The following CRK variants were observed in gnomAD, a reference collection of about 807,000 sequenced individuals.
The protein encoded by CRK is adapter molecule crk.
CRK carries 4 observed loss-of-function variants against 29.8 expected under a neutral mutation model. The ratio of observed to expected loss-of-function variants is 0.13; its 90% CI spans 0.07 to 0.31. The LOEUF (loss-of-function observed/expected upper bound fraction) is 0.31, where lower values mean the gene tolerates loss of function less well. CRK is among the 10% of genes least tolerant of loss of function. CRK has a pLI of 1.00. For missense variants in CRK, 274 were observed against 396.5 expected, an observed-to-expected ratio of 0.69 and a Z score of 2.62; for synonymous variants, 153 against 164.9, an observed-to-expected ratio of 0.93 and a Z score of 0.55.
intron 2 of CRK, among the ~76,000 whole-genome samples, chr17:1,435,115 A>AGT (rs1007665754): frequency 6.6e-6 from 1 of 152,034 alleles, no homozygotes. Context: ...GCTGGAGTGC[A>AGT]GTGTCATGAT....
rs1327585722 is a variant in CRK, at chr17:1,452,311, A to G, written c.241+3566T>C. On this transcript the variant is annotated intron_variant, in intron 1 of 2. Coordinates refer to ENST00000300574, the MANE Select transcript of CRK (RefSeq NM_016823.4). ...AGACAGTAAGTGAAATAAGGTACAT[A>G]AAGTACTCAAAGTACCTGGCACAGA... is the stretch of plus-strand genomic sequence containing the variant. Among the ~76,000 whole-genome samples the G allele has an allele frequency of 2.0e-5, 3 of 152,342 alleles. No individual in the cohort carries two copies. The East Asian group carries it at 5.8e-4, about 29-fold the overall frequency.
At chr17:1,438,627 A>T (rs2073908740) in intron 1 of CRK, among the ~76,000 whole-genome samples, 1 of 152,114 alleles carries the variant, frequency 6.6e-6, no homozygotes, top group South Asian at 2.1e-4. Context: ...GCTTGGGGAA[A>T]TAAAGGGTTA....
At chr17:1,442,770 C>T (rs2073945229) in intron 1 of CRK, among the ~76,000 whole-genome samples, 2 of 151,592 alleles carry the variant, frequency 1.3e-5, no homozygotes, top group South Asian at 2.1e-4. Flanking sequence ...CCATGCCTGG[C>T]TAATTTTTGT....
intron 2 of CRK, among the ~76,000 whole-genome samples, chr17:1,428,118 CT>C (rs55649851): frequency 0.16 from 21,313 of 135,686 alleles, 1,809 homozygotes; most frequent in African/African-American, 0.24. Flanking sequence ...TTCTTTCAGA[CT>C]TTTTTTTTTT....
intron 2 of CRK, among the ~76,000 whole-genome samples, chr17:1,433,540 TG>T (rs2073863413): frequency 8.2e-6 from 1 of 121,724 alleles, no homozygotes; most frequent in African/African-American, 3.2e-5. Context: ...TTTTTTGAGA[TG>T]GAGTTTCACT....
chr17:1,449,025 T>TCTCACGCTAC (rs2073997908), intron 1 of CRK, among the ~76,000 whole-genome samples: 1 of 152,110 alleles, frequency 6.6e-6, no homozygotes, highest in Non-Finnish European at 1.5e-5. Flanking sequence ...CCATCAGCAG[T>TCTCACGCTAC]CTCACGCTAC....
At chr17:1,452,203 G>A (rs1186925112) in intron 1 of CRK, among the ~76,000 whole-genome samples, 1 of 152,072 alleles carries the variant, frequency 6.6e-6, no homozygotes, top group Non-Finnish European at 1.5e-5. Context: ...GCAAGTTACT[G>A]AATCTATGAG....
At chr17:1,442,910 G>A (rs1442766993) in intron 1 of CRK, among the ~76,000 whole-genome samples, 1 of 151,446 alleles carries the variant, frequency 6.6e-6, no homozygotes, top group Non-Finnish European at 1.5e-5. Context: ...CCTGGTATGT[G>A]ACAGGGTCTC....
At chr17:1,447,897 G>A (rs1477728724) in intron 1 of CRK, among the ~76,000 whole-genome samples, 1 of 152,060 alleles carries the variant, frequency 6.6e-6, no homozygotes, top group Non-Finnish European at 1.5e-5. Context: ...GATTACAGGC[G>A]CGAGCCACCA....
chr17:1,452,314 G>A (rs888512303), intron 1 of CRK, among the ~76,000 whole-genome samples: 2 of 152,134 alleles, frequency 1.3e-5, no homozygotes, highest in African/African-American at 4.8e-5. Flanking sequence ...GGTACATAAA[G>A]TACTCAAAGT....
In CRK at chr17:1,428,521, C is replaced by CTTTTTT. The variant is rs754259440; in HGVS notation, c.778-4877_778-4872dup. Reference sequence around the variant, plus strand: ...ATTAGACCTTTGGACCATATCAGATCTTTTTTTTTTTTTTTTTTTTGAGAC... The same window carrying CTTTTTT: ...ATTAGACCTTTGGACCATATCAGATCTTTTTTTTTTTTTTTTTTTTTTTTTTGAGAC... On this transcript the variant is annotated intron_variant, in intron 2 of 2. Transcript: ENST00000300574. Among the ~76,000 whole-genome samples the CTTTTTT allele has an allele frequency of 3.3e-3, 363 of 111,142 alleles. 10 individuals carry two copies. The highest frequency in any genetic ancestry group is 8.5e-3 in the East Asian group (32 of 3,756). The allele number at this position is 111,142 out of a possible 152,430, so 72.9% of individuals were successfully genotyped here.
intron 1 of CRK, among the ~76,000 whole-genome samples, chr17:1,440,901 C>T (rs1364922090): frequency 7.9e-5 from 12 of 152,182 alleles, no homozygotes; most frequent in East Asian, 3.9e-4. Flanking sequence ...GAGACCTTGT[C>T]TCAAAAAACC....
chr17:1,454,219 GAAAT>G (rs745537645), intron 1 of CRK, among the ~76,000 whole-genome samples: 2 of 151,768 alleles, frequency 1.3e-5, no homozygotes, highest in Non-Finnish European at 2.9e-5. Flanking sequence ...AAATAAGTAA[GAAAT>G]AAATAAGAAA....
At chr17:1,425,387 T>C (rs948370039) in intron 2 of CRK, among the ~76,000 whole-genome samples, 7 of 152,066 alleles carry the variant, frequency 4.6e-5, no homozygotes, top group Non-Finnish European at 7.4e-5. Flanking sequence ...CCACCACGCC[T>C]GGCCATCTTT....
At chr17:1,436,043 T>G (rs2073883859) in intron 2 of CRK, among the ~76,000 whole-genome samples, 2 of 152,186 alleles carry the variant, frequency 1.3e-5, no homozygotes, top group African/African-American at 4.8e-5. Context: ...GAACTGGCTT[T>G]TTGAATGATT....
chr17:1,429,359 T>C (rs2150901281), intron 2 of CRK, among the ~76,000 whole-genome samples: 1 of 152,064 alleles, frequency 6.6e-6, no homozygotes, highest in East Asian at 1.9e-4. Flanking sequence ...CTTGTCTCAT[T>C]GCAAACTCCG....
chr17:1,433,929 G>C (rs963290663), intron 2 of CRK, among the ~76,000 whole-genome samples: 6 of 150,726 alleles, frequency 4.0e-5, no homozygotes, highest in Admixed American at 1.3e-4. Flanking sequence ...CAAACACCTG[G>C]ACTCAAGCGA....
In CRK at chr17:1,455,918, G is replaced by C. The variant is rs532720077; in HGVS notation, c.200C>G (p.Pro67Arg). 1.3e-6 allele frequency: 2 copies of C among 1,586,726 alleles called. No individual in the cohort carries two copies. Among genetic ancestry groups the C allele is most frequent in the Middle Eastern group, 1.7e-4 (1 of 5,968 alleles). Residue 67 changes from proline to arginine, a missense_variant, in exon 1 of 3, where the codon CCG becomes CGG. Pro to Arg is a moderately radical substitution (Grantham distance 103). Transcript: ENST00000300574. Reference sequence around the variant, plus strand: ...GGGCGACGGTGGCACCGGCGGGCGCGGGCCGCTGCTGTTGATGATGTAGTG... The same window carrying C: ...GGGCGACGGTGGCACCGGCGGGCGCCGGCCGCTGCTGTTGATGATGTAGTG... ...VSHYIINSSG[P>R]RPPVPPSPAQ... is the part of the protein sequence containing the mutation.
intron 2 of CRK, among the ~76,000 whole-genome samples, chr17:1,434,581 G>C (rs976190519): frequency 7.2e-5 from 11 of 152,080 alleles, no homozygotes; most frequent in Admixed American, 3.3e-4. Flanking sequence ...TCAGGAGTTT[G>C]AGACCAGCCT....
Sources: gnomAD v4.1 joint callset for allele counts (sites outside exome capture counted in the v4.1 genomes callset) on GRCh38, gnomAD v4.1.1 for gene constraint, MANE v1.5 for transcripts, NCBI Gene and HGNC (gene_info 2026-07-23, HGNC 2026-07-21) for gene names.